Variants in DIP2C observed in about 807,000 individuals in gnomAD.
DIP2C encodes the protein disco-interacting protein 2 homolog C.
A neutral mutation model predicts 192.4 loss-of-function variants in DIP2C; 33 were observed. That is an observed-to-expected ratio of 0.17 (90% CI 0.13 to 0.23). The LOEUF (loss-of-function observed/expected upper bound fraction) is 0.23, where lower values mean the gene tolerates loss of function less well. Among genes scored for constraint, DIP2C ranks in the 10% least tolerant of loss-of-function variants. The pLI, the probability that DIP2C is intolerant of heterozygous loss-of-function variation, is 1.00. For synonymous variants in DIP2C, 979 were observed against 864.1 expected, an observed-to-expected ratio of 1.13 and a Z score of -2.33; for missense variants, 1,537 against 2,110.1, an observed-to-expected ratio of 0.73 and a Z score of 5.32.
intron 1 of DIP2C, among the ~76,000 whole-genome samples, chr10:681,843 C>A (rs891679789): frequency 6.6e-5 from 10 of 152,256 alleles, no homozygotes; most frequent in Admixed American, 5.9e-4. Flanking sequence ...GAGCTCAGGG[C>A]CCAGGGCTAA....
intron 1 of DIP2C, among the ~76,000 whole-genome samples, chr10:515,002 A>T (rs1846259301): frequency 6.6e-6 from 1 of 152,246 alleles, no homozygotes; most frequent in Non-Finnish European, 1.5e-5. Flanking sequence ...CCACGTTCTC[A>T]TCAGCTCCCA....
intron 2 of DIP2C, among the ~76,000 whole-genome samples, chr10:486,154 A>T (rs946101552): frequency 6.6e-6 from 1 of 152,094 alleles, no homozygotes; most frequent in African/African-American, 2.4e-5. Context: ...TCTAAACCAA[A>T]TATGTTGAAA....
chr10:558,016 C>A (rs1438551891), intron 1 of DIP2C, among the ~76,000 whole-genome samples: 1 of 152,094 alleles, frequency 6.6e-6, no homozygotes, highest in Non-Finnish European at 1.5e-5. Context: ...AGGGCGGACA[C>A]ATGACAGAAT....
At chr10:428,401 TA>T (rs895508026) in intron 4 of DIP2C, among the ~76,000 whole-genome samples, 2 of 152,208 alleles carry the variant, frequency 1.3e-5, no homozygotes, top group Non-Finnish European at 2.9e-5. Flanking sequence ...TCCGTGTTTA[TA>T]AAGGAGATTT....
At chr10:356,338 G>C in intron 24 of DIP2C, 88 bp downstream of exon 24, 1 of 1,412,182 alleles carries the variant, frequency 7.1e-7, no homozygotes, top group East Asian at 2.3e-5. Context: ...GAAGCAAAAG[G>C]ATTCAAAGAA....
At chr10:352,260 G>C (rs368797154) in intron 24 of DIP2C, among the ~76,000 whole-genome samples, 42 of 152,260 alleles carry the variant, frequency 2.8e-4, no homozygotes, top group African/African-American at 1.0e-3. Context: ...CAGCAGCCAA[G>C]AGTGTCTTTG....
chr10:476,441 G>A (rs1361640747), intron 2 of DIP2C, among the ~76,000 whole-genome samples: 5 of 152,190 alleles, frequency 3.3e-5, no homozygotes, highest in African/African-American at 1.2e-4. Flanking sequence ...AGCAGCAGTA[G>A]CTAACACTGC....
At chr10:392,615 T>C (rs1963561408) in intron 10 of DIP2C, among the ~76,000 whole-genome samples, 1 of 152,142 alleles carries the variant, frequency 6.6e-6, no homozygotes, top group Non-Finnish European at 1.5e-5. Context: ...TGCCCAGCCC[T>C]GGCCAGTGTG....
rs574683613 is a variant in DIP2C at position 547,857 on chromosome 10, A to C, written c.86-61327T>G. ...GCACCCCTGCCCTCTCCTGCATTTC[A>C]TCCATGCCCACCATCCCTGGGGAGC... On this transcript the variant is annotated intron_variant, in intron 1 of 36. Coordinates refer to ENST00000280886, the MANE Select transcript of DIP2C (RefSeq NM_014974.3). Among the ~76,000 whole-genome samples the C allele has an allele frequency of 9.2e-5, 14 of 152,058 alleles. No individual in the cohort carries two copies. In the South Asian group the frequency reaches 2.9e-3, roughly 32 times the overall value.
intron 35 of DIP2C, chr10:281,998 A>T (rs1954857627): frequency 6.6e-6 from 1 of 152,056 alleles, no homozygotes; most frequent in South Asian, 2.1e-4. Context: ...TTTGAAAGGC[A>T]TGATTGACAT....
At chr10:323,567 A>C (rs1194187365) in intron 31 of DIP2C, among the ~76,000 whole-genome samples, 3 of 152,346 alleles carry the variant, frequency 2.0e-5, no homozygotes, top group Admixed American at 1.3e-4. Flanking sequence ...ACATCTTTAA[A>C]TATTTAGGTA....
At chr10:679,062 C>T (rs1227126952) in intron 1 of DIP2C, among the ~76,000 whole-genome samples, 4 of 19,552 alleles carry the variant, frequency 2.0e-4, no homozygotes, top group Admixed American at 6.7e-4. Context: ...CCCGTCCTCC[C>T]CGCGCCCATG....
intron 1 of DIP2C, chr10:664,783 C>T (rs1588719523): frequency 6.6e-6 from 1 of 151,740 alleles, no homozygotes; most frequent in African/African-American, 2.4e-5. Context: ...AAATATATAT[C>T]TACAAATATA....
chr10:580,490 AGT>A (rs1354334808), intron 1 of DIP2C, among the ~76,000 whole-genome samples: 2 of 152,304 alleles, frequency 1.3e-5, no homozygotes, highest in East Asian at 3.9e-4. Flanking sequence ...ATGTCCAAAT[AGT>A]GTGGATATAA....
rs558812713 is a variant in DIP2C, at chr10:403,980, T to C, written c.1150-4761A>G. On this transcript the variant is annotated intron_variant, in intron 9 of 36. Coordinates refer to ENST00000280886, the MANE Select transcript of DIP2C (RefSeq NM_014974.3). ...CTCTTCCTTATGGACAAGTTTGGTA[T>C]GTGTTCCTCAGCACATGAATCCTAT... 2.4e-3 allele frequency among the ~76,000 whole-genome samples: 254 copies of C among 104,314 alleles called. 11 individuals carry two copies. Among genetic ancestry groups the C allele is most frequent in the African/African-American group, 8.4e-3 (227 of 27,056 alleles). The allele number at this position is 104,314 out of a possible 152,430, so 68.4% of individuals were successfully genotyped here.
intron 31 of DIP2C, chr10:325,009 T>C (rs1386990916): frequency 1.9e-6 from 1 of 523,502 alleles, no homozygotes; most frequent in Admixed American, 2.0e-5. Flanking sequence ...CTCATGCCTG[T>C]AATCCCAGCA....
rs780129035 is a variant in DIP2C at position 277,340 on chromosome 10, C to T, written c.4656G>A (p.Val1552=). The T allele has an allele frequency of 5.0e-6, 8 of 1,613,926 alleles. No homozygotes were observed. Among genetic ancestry groups the T allele is most frequent in the Admixed American group, 1.7e-5 (1 of 60,000 alleles). ...AGAGACGAGACTACATGTTGTAGGC[C>T]ACATAGATGGGGTCTAGCTGGTCTG... ...FLADQLDPIY[V]AYNM The change falls in exon 37 of 37, where the codon GTG becomes GTA. Residue 1552 remains valine, a synonymous_variant. Coordinates refer to ENST00000280886, the MANE Select transcript of DIP2C (RefSeq NM_014974.3).
At chr10:548,519 G>GGC (rs1848422311) in intron 1 of DIP2C, among the ~76,000 whole-genome samples, 4 of 110,650 alleles carry the variant, frequency 3.6e-5, no homozygotes, top group African/African-American at 2.0e-4. Context: ...GGGAGGGAGG[G>GGC]AGGCAGGCAG....
At chr10:500,396 A>G (rs1845142234) in intron 1 of DIP2C, among the ~76,000 whole-genome samples, 1 of 152,262 alleles carries the variant, frequency 6.6e-6, no homozygotes, top group East Asian at 1.9e-4. Flanking sequence ...AGGGAAAGTG[A>G]CTGCTCCTTA....
Sources: gnomAD v4.1 joint callset for allele counts (sites outside exome capture counted in the v4.1 genomes callset) on GRCh38, gnomAD v4.1.1 for gene constraint, MANE v1.5 for transcripts, NCBI Gene and HGNC (gene_info 2026-07-23, HGNC 2026-07-21) for gene names.